MAD2L1BP: variants seen among roughly 807,000 people sequenced by gnomAD.
MAD2L1BP encodes MAD2L1-binding protein.
A neutral mutation model predicts 28.4 loss-of-function variants in MAD2L1BP; 22 were observed. The ratio of observed to expected loss-of-function variants is 0.77; its 90% CI spans 0.55 to 1.10. The LOEUF is 1.10. Among genes scored for constraint, MAD2L1BP ranks in the 50% least tolerant of loss-of-function variants. The pLI is 0.00. For synonymous variants in MAD2L1BP, 146 were observed against 133.7 expected (o/e 1.09, Z -0.63); for missense variants, 325 against 350.5 (o/e 0.93, Z 0.58).
rs960073532 is a variant in MAD2L1BP, at chr6:43,636,528, G to A, written c.194G>A (p.Ser65Asn). 1 of 1,614,148 alleles carries A rather than the reference G, an allele frequency of 6.2e-7. No homozygotes were observed. The highest frequency in any genetic ancestry group is 8.5e-7 in the Non-Finnish European group (1 of 1,180,030). The change falls in exon 2 of 3, where the codon AGC (serine) becomes AAC (asparagine). Residue 65 changes from serine (S) to asparagine (N), a missense_variant. Transcript: ENST00000372171. ...MVPVVFPGPVSQEGCCQFTCE... is the reference protein window; with the variant it reads ...MVPVVFPGPVNQEGCCQFTCE... ...CCAGTGGTGTTTCCTGGGCCTGTGAGCCAGGAAGGCTGCTGTCAGTTTACT... is the reference window on the plus strand; with the variant it reads ...CCAGTGGTGTTTCCTGGGCCTGTGAACCAGGAAGGCTGCTGTCAGTTTACT...
chr6:43,630,467 C>T lies in MAD2L1BP; in HGVS notation c.20+698C>T, dbSNP rs575068132. ...AGAAATTAAACAACTCAGCCGGGTGCGGTGCCTCACGCCTGTAAATCACAG... is the reference window on the plus strand; with the variant it reads ...AGAAATTAAACAACTCAGCCGGGTGTGGTGCCTCACGCCTGTAAATCACAG... On this transcript the variant is annotated intron_variant, in intron 1 of 3. Transcript: ENST00000451025. 1.8e-4 allele frequency among the ~76,000 whole-genome samples: 27 copies of T among 152,222 alleles called. No homozygotes were observed. The South Asian group carries it at 5.6e-3, about 32-fold the overall frequency.
chr6:43,634,771 G>C (rs966626519), upstream of MAD2L1BP, among the ~76,000 whole-genome samples: 9 of 152,114 alleles, frequency 5.9e-5, no homozygotes, highest in African/African-American at 2.2e-4. Flanking sequence ...ATGTTGGCCA[G>C]GCTGGTCTCA....
rs1770257796 is a variant in MAD2L1BP, at chr6:43,636,901, A to G, written c.312+255A>G. On this transcript the variant is annotated intron_variant, in intron 2 of 2. Coordinates refer to ENST00000372171, the MANE Select transcript of MAD2L1BP (RefSeq NM_014628.3). ...TCTTTGCATTTTTTTCTTTTGAGAC[A>G]GAGTCTTGCTCTGTTGCCCAGGCTA... is the stretch of plus-strand genomic sequence containing the variant. 8.3e-6 allele frequency: 4 copies of G among 484,746 alleles called. No homozygotes were observed. The Admixed American group carries it at 1.4e-4, about 17-fold the overall frequency. The allele number at this position is 484,746 out of a possible 1,614,324, so 30.0% of individuals were successfully genotyped here.
At chr6:43,639,992 T>C (rs763773829) in intron 2 of MAD2L1BP, 29 bp from the exon 3 acceptor site, 1 of 1,509,926 alleles carries the variant, frequency 6.6e-7, no homozygotes, top group Admixed American at 2.2e-5. Context: ...TGCCTTGTTC[T>C]TCTCTCCCAC....
exon 1 of MAD2L1BP, chr6:43,629,700 A>T: frequency 6.5e-7 from 1 of 1,546,034 alleles, no homozygotes; most frequent in Non-Finnish European, 8.7e-7. Context: ...AACTGAGGCT[A>T]CTGGTGCCGC....
upstream of MAD2L1BP, among the ~76,000 whole-genome samples, chr6:43,633,612 C>T (rs1240048272): frequency 6.6e-6 from 1 of 151,948 alleles, no homozygotes; most frequent in African/African-American, 2.4e-5. Context: ...CATTATGTTG[C>T]CCAGACTGGT....
intron 2 of MAD2L1BP, among the ~76,000 whole-genome samples, 159 bp from the exon 3 acceptor site, chr6:43,639,862 A>G (rs188438895): frequency 2.6e-5 from 4 of 152,338 alleles, no homozygotes; most frequent in African/African-American, 9.6e-5. Flanking sequence ...TTTTCAGTAT[A>G]ATACCCTCTG....
At position 43,636,512 on chromosome 6, in the gene MAD2L1BP, T is replaced by C. The variant is rs749669550; in HGVS notation, c.178T>C (p.Phe60Leu). ...CPRDCMVPVV[F>L]PGPVSQEGCC... ...AAGAGACTGCATGGTACCAGTGGTG[T>C]TTCCTGGGCCTGTGAGCCAGGAAGG... Residue 60 changes from phenylalanine to leucine, a missense_variant, in exon 2 of 3, where the codon TTT becomes CTT. Phe to Leu is a conservative substitution (Grantham distance 22, BLOSUM62 0). Transcript: ENST00000372171. 24 of 1,614,078 alleles carry C rather than the reference T, an allele frequency of 1.5e-5. No individual in the cohort carries two copies. The highest frequency in any genetic ancestry group is 1.9e-5 in the Non-Finnish European group (22 of 1,180,042).
At position 43,640,379 on chromosome 6, in the gene MAD2L1BP, A is replaced by C; in HGVS notation, c.671A>C (p.Asp224Ala). 6.2e-7 allele frequency: 1 copy of C among 1,613,934 alleles called. No homozygotes were observed. The highest frequency in any genetic ancestry group is 8.5e-7 in the Non-Finnish European group (1 of 1,179,990). Residue 224 changes from aspartate (D) to alanine (A), a missense_variant, in exon 3 of 3, where the codon GAT (aspartate) becomes GCT (alanine). By Grantham distance (126) the Asp-to-Ala change is moderately radical. Transcript: ENST00000372171. ...CAGGGACACCGCAACTGTGGAGAAG[A>C]TTGGTTTCGACCCAAGCTCAACTAT... Reference protein sequence around the residue: ...MAQGHRNCGEDWFRPKLNYRV... With the variant: ...MAQGHRNCGEAWFRPKLNYRV...
intron 2 of MAD2L1BP, among the ~76,000 whole-genome samples, chr6:43,639,737 G>A (rs2127868601): frequency 6.6e-6 from 1 of 152,280 alleles, no homozygotes; most frequent in Non-Finnish European, 1.5e-5. Context: ...ACTTTGTCAT[G>A]TCACCAAATT....
upstream of MAD2L1BP, chr6:43,635,745 C>T (rs1770167411): frequency 1.0e-5 from 9 of 860,964 alleles, no homozygotes; most frequent in South Asian, 6.4e-5. Context: ...CTCCACTTAA[C>T]CTCCCCCACA....
upstream of MAD2L1BP, among the ~76,000 whole-genome samples, chr6:43,633,588 T>A (rs185572150): frequency 3.9e-5 from 6 of 152,288 alleles, no homozygotes; most frequent in East Asian, 1.2e-3. Context: ...TATTTATTGG[T>A]AGGGACAAGG....
chr6:43,630,597 G>T (rs1172079368), intron 1 of MAD2L1BP, among the ~76,000 whole-genome samples: 1 of 152,112 alleles, frequency 6.6e-6, no homozygotes, highest in East Asian at 1.9e-4. Flanking sequence ...ACAAAAATTA[G>T]CTGGGCGTGG....
At position 43,636,651 on chromosome 6, in the gene MAD2L1BP, GCA is replaced by G. The variant is rs1770240375; in HGVS notation, c.312+8_312+9del. The G allele has an allele frequency of 6.2e-7, 1 of 1,610,196 alleles. No individual in the cohort carries two copies. The highest frequency in any genetic ancestry group is 8.5e-7 in the Non-Finnish European group (1 of 1,176,728). On this transcript the variant is annotated splice_donor_region_variant and intron_variant, in intron 2 of 2. Transcript: ENST00000372171. Reference sequence around the variant, plus strand: ...TACCGAAAACCTTCTCCCCAGGTAGGCACAGGCTTTGGGAGCAAGTTGGTGGG... The same window carrying G: ...TACCGAAAACCTTCTCCCCAGGTAGGCAGGCTTTGGGAGCAAGTTGGTGGG...
rs1770187912 is a variant in MAD2L1BP, at chr6:43,635,920, T to C, written c.45T>C (p.Pro15=). The stretch of plus-strand genomic sequence containing the variant: ...AGGTTCTGTCCTCAGCCGCAGTCCC[T>C]GGTAAGGCGTGGGGCCAAGAGTTTG... ...EAEVLSSAAV[P]DLEWYEKSEE... is the part of the protein sequence containing the mutation. The change falls in exon 1 of 3, where the codon CCT becomes CCC. Residue 15 remains proline (P), a splice_region_variant and synonymous_variant. Transcript: ENST00000372171. The C allele has an allele frequency of 2.0e-6, 3 of 1,510,366 alleles. No individual in the cohort carries two copies. The East Asian group carries it at 7.9e-5, about 40-fold the overall frequency. The allele number at this position is 1,510,366 out of a possible 1,614,324, so 93.6% of individuals were successfully genotyped here.
At chr6:43,630,443 G>T (rs1344747911) in intron 1 of MAD2L1BP, among the ~76,000 whole-genome samples, 1 of 152,016 alleles carries the variant, frequency 6.6e-6, no homozygotes, top group Non-Finnish European at 1.5e-5. Context: ...ACACGGTCAA[G>T]AAATTAAACA....
intron 1 of MAD2L1BP, among the ~76,000 whole-genome samples, chr6:43,630,388 C>G (rs904405145): frequency 6.6e-6 from 1 of 152,204 alleles, no homozygotes; most frequent in South Asian, 2.1e-4. Context: ...AGACCACTCA[C>G]AGTGTGTCCA....
chr6:43,640,156 G>T lies in MAD2L1BP; in HGVS notation c.448G>T (p.Val150Leu), dbSNP rs1053904832. The T allele has an allele frequency of 1.9e-6, 3 of 1,613,004 alleles. No individual in the cohort carries two copies. The African/African-American group carries it at 4.0e-5, about 22-fold the overall frequency. ...DFFARTLVPR[V>L]LILLGGNALS... ...CTTTGCACGGACACTAGTACCGCGA[G>T]TGCTGATTCTCCTTGGGGGCAATGC... The change falls in exon 3 of 3, where the codon GTG (valine) becomes TTG (leucine). Residue 150 changes from valine (V) to leucine (L), a missense_variant. Coordinates refer to ENST00000372171, the MANE Select transcript of MAD2L1BP (RefSeq NM_014628.3).
intron 1 of MAD2L1BP, among the ~76,000 whole-genome samples, 200 bp downstream of exon 1, chr6:43,636,121 C>G (rs748046269): frequency 1.7e-4 from 26 of 152,198 alleles, no homozygotes; most frequent in Non-Finnish European, 3.2e-4. Context: ...CTCATTTCCC[C>G]AGATCAAGTC....
Sources: gnomAD v4.1 joint callset for allele counts (sites outside exome capture counted in the v4.1 genomes callset) on GRCh38, gnomAD v4.1.1 for gene constraint, MANE v1.5 for transcripts, NCBI Gene and HGNC (gene_info 2026-07-23, HGNC 2026-07-21) for gene names.